Variants in ESR1 observed in about 807,000 individuals in gnomAD.
ESR1 encodes estrogen receptor 1.
In ESR1, 12 loss-of-function variants were observed where a neutral mutation model predicts 52.7. The ratio of observed to expected loss-of-function variants is 0.23; its 90% confidence interval spans 0.15 to 0.37. The LOEUF is 0.37. Ranked by LOEUF, ESR1 falls within the 10% of genes least tolerant of loss-of-function variation. The pLI is 1.00. For synonymous variants in ESR1, 305 were observed against 316.8 expected (o/e 0.96, Z 0.39); for missense variants, 584 against 779.7 (o/e 0.75, Z 2.99).
intron 1 of ESR1, among the ~76,000 whole-genome samples, chr6:151,672,676 TTGGCCATCC>T (rs1458162272): frequency 6.6e-6 from 1 of 152,006 alleles, no homozygotes; most frequent in Non-Finnish European, 1.5e-5. Context: ...TTTCACCATG[TTGGCCATCC>T]TGGTCTTGAA....
At chr6:151,708,362 A>G (rs1437948795) in intron 2 of ESR1, among the ~76,000 whole-genome samples, 1 of 152,136 alleles carries the variant, frequency 6.6e-6, no homozygotes, top group Non-Finnish European at 1.5e-5. Flanking sequence ...AACATATAAA[A>G]AAGTGCTGTC....
intron 4 of ESR1, among the ~76,000 whole-genome samples, chr6:151,987,548 T>TA (rs2040610286): frequency 6.6e-6 from 1 of 152,058 alleles, no homozygotes; most frequent in African/African-American, 2.4e-5. Context: ...AAAGATAGGT[T>TA]ACGACAGTTG....
At chr6:152,097,584 G>T (rs1273950071) in intron 7 of ESR1, among the ~76,000 whole-genome samples, 1 of 152,042 alleles carries the variant, frequency 6.6e-6, no homozygotes, top group Non-Finnish European at 1.5e-5. Flanking sequence ...TCTTTTAAAA[G>T]AAATTTCAAA....
chr6:151,870,312 T>C (rs988613259), intron 2 of ESR1, among the ~76,000 whole-genome samples: 1 of 152,176 alleles, frequency 6.6e-6, no homozygotes, highest in Non-Finnish European at 1.5e-5. Context: ...TTGGGAGATA[T>C]AACTATGGAA....
At chr6:151,869,361 G>T (rs971787656) in intron 2 of ESR1, among the ~76,000 whole-genome samples, 3 of 152,148 alleles carry the variant, frequency 2.0e-5, no homozygotes, top group African/African-American at 7.2e-5. Flanking sequence ...TCTCCTCTTT[G>T]ATGGTTATCT....
chr6:151,856,485 G>A (rs993530460), intron 2 of ESR1, among the ~76,000 whole-genome samples: 1 of 152,288 alleles, frequency 6.6e-6, no homozygotes, highest in Admixed American at 6.5e-5. Context: ...ACAATTAGTA[G>A]ATGATACACT....
At chr6:152,073,254 C>T (rs1195372105) in intron 6 of ESR1, among the ~76,000 whole-genome samples, 1 of 152,144 alleles carries the variant, frequency 6.6e-6, no homozygotes, top group Non-Finnish European at 1.5e-5. Flanking sequence ...AGTATCCGTT[C>T]ATCAGCCAGA....
At chr6:151,826,749 T>C (rs1781573173) in intron 1 of ESR1, among the ~76,000 whole-genome samples, 1 of 152,186 alleles carries the variant, frequency 6.6e-6, no homozygotes, top group South Asian at 2.1e-4. Context: ...ATTCAACACA[T>C]ATTCATTGAC....
chr6:151,970,759 T>C (rs2038822093), intron 4 of ESR1, among the ~76,000 whole-genome samples: 2 of 152,186 alleles, frequency 1.3e-5, no homozygotes, highest in Non-Finnish European at 2.9e-5. Context: ...TAAACTCCTG[T>C]TCAAGACAGT....
At chr6:151,825,885 T>TG (rs1040365827) in intron 1 of ESR1, among the ~76,000 whole-genome samples, 1 of 116,150 alleles carries the variant, frequency 8.6e-6, no homozygotes, top group Non-Finnish European at 1.6e-5. Flanking sequence ...CACTCCAGCC[T>TG]GGGTGGCAGA....
At chr6:151,920,747 G>C (rs913781390) in intron 3 of ESR1, among the ~76,000 whole-genome samples, 41 of 152,044 alleles carry the variant, frequency 2.7e-4, no homozygotes, top group Non-Finnish European at 4.6e-4. Flanking sequence ...CAGAGGTTAA[G>C]TGTGATTGTC....
intron 2 of ESR1, among the ~76,000 whole-genome samples, chr6:151,878,563 T>G (rs1271847428): frequency 1.3e-5 from 2 of 152,200 alleles, no homozygotes; most frequent in African/African-American, 4.8e-5. Flanking sequence ...GACCCTTAAG[T>G]TGAATAAAGA....
intron 2 of ESR1, among the ~76,000 whole-genome samples, chr6:151,740,325 A>G (rs1329195349): frequency 7.5e-6 from 1 of 132,768 alleles, no homozygotes; most frequent in African/African-American, 2.9e-5. Context: ...TAGTATATAC[A>G]GGTTTTTCTC....
In ESR1 at chr6:151,736,375, G is replaced by GTTTTTTTTTTTTTTTTTTTTTTTTTTT. The variant is rs10624912; in HGVS notation, c.-71+34385_-71+34386insTTTTTTTTTTTTTTTTTTTTTTTTTTT. 5.1e-4 allele frequency among the ~76,000 whole-genome samples: 58 copies of GTTTTTTTTTTTTTTTTTTTTTTTTTTT among 112,696 alleles called. 7 individuals are homozygous for GTTTTTTTTTTTTTTTTTTTTTTTTTTT. Among genetic ancestry groups the GTTTTTTTTTTTTTTTTTTTTTTTTTTT allele is most frequent in the African/African-American group, 2.2e-3 (57 of 26,152 alleles). The allele number at this position is 112,696 out of a possible 152,430, so 73.9% of individuals were successfully genotyped here. On this transcript the variant is annotated intron_variant, in intron 2 of 2. Coordinates refer to the ESR1 transcript ENST00000404742. ...AAATACTTACTGTATTCCAGGTAGT[G>GTTTTTTTTTTTTTTTTTTTTTTTTTTT]TTTTTTTTTTTTTTTGAGATGGAGT...
chr6:151,825,371 T>C (rs1031551329), intron 1 of ESR1, among the ~76,000 whole-genome samples: 1 of 152,102 alleles, frequency 6.6e-6, no homozygotes, highest in Admixed American at 6.5e-5. Flanking sequence ...CAAAAGGATA[T>C]GCATGGGAGA....
intron 2 of ESR1, among the ~76,000 whole-genome samples, chr6:151,715,332 G>T (rs1190813395): frequency 6.6e-6 from 1 of 152,054 alleles, no homozygotes; most frequent in Non-Finnish European, 1.5e-5. Context: ...TGCTCTTCTC[G>T]AGAGTATCTT....
exon 7 of ESR1, chr6:152,128,979 C>G (rs1487379104): frequency 1.3e-5 from 2 of 152,208 alleles, no homozygotes; most frequent in Non-Finnish European, 2.9e-5. Context: ...TATTTATGTT[C>G]CAGTCCCACC....
At chr6:152,057,060 T>C (rs1175166820) in intron 5 of ESR1, among the ~76,000 whole-genome samples, 1 of 152,180 alleles carries the variant, frequency 6.6e-6, no homozygotes, top group Non-Finnish European at 1.5e-5. Flanking sequence ...GAAGTTAGTA[T>C]AGAATATTTT....
chr6:152,106,730 A>C (rs903858615), downstream of ESR1, among the ~76,000 whole-genome samples: 3 of 152,182 alleles, frequency 2.0e-5, no homozygotes, highest in African/African-American at 7.2e-5. Flanking sequence ...CTGGAAGTAC[A>C]GGCATGTACC....
Sources: gnomAD v4.1 joint callset for allele counts (sites outside exome capture counted in the v4.1 genomes callset) on GRCh38, gnomAD v4.1.1 for gene constraint, MANE v1.5 for transcripts, NCBI Gene and HGNC (gene_info 2026-07-23, HGNC 2026-07-21) for gene names.